The following PCDH15 variants were observed in gnomAD, a reference collection of about 807,000 sequenced individuals.
The protein encoded by PCDH15 is protocadherin related 15.
PCDH15 carries 129 observed loss-of-function variants against 178.5 expected under a neutral mutation model. The observed-to-expected ratio is 0.72, with a 90% CI of 0.63 to 0.84. The LOEUF (loss-of-function observed/expected upper bound fraction) is 0.84. PCDH15 is among the 40% of genes least tolerant of loss of function. The pLI, the probability that PCDH15 is intolerant of heterozygous loss-of-function variation, is 0.00. For missense variants in PCDH15, 2,230 were observed against 2,099.9 expected, an observed-to-expected ratio of 1.06 and a Z score of -1.21; for synonymous variants, 800 against 732.0, an observed-to-expected ratio of 1.09 and a Z score of -1.50.
intron 3 of PCDH15, among the ~76,000 whole-genome samples, chr10:54,464,260 G>A (rs2077379612): frequency 6.6e-6 from 1 of 152,088 alleles, no homozygotes; most frequent in Non-Finnish European, 1.5e-5. Context: ...GGGCACAGTT[G>A]GGGAGAGGTT....
intron 9 of PCDH15, among the ~76,000 whole-genome samples, chr10:54,229,246 A>G (rs945438277): frequency 6.6e-6 from 1 of 152,320 alleles, no homozygotes; most frequent in African/African-American, 2.4e-5. Context: ...GACAATTTTG[A>G]TGTAATTAAT....
chr10:53,943,926 A>C (rs1339412165), intron 23 of PCDH15, among the ~76,000 whole-genome samples: 1 of 152,108 alleles, frequency 6.6e-6, no homozygotes, highest in Non-Finnish European at 1.5e-5. Context: ...ATATTATTTT[A>C]TTATTGTTTT....
chr10:54,873,400 C>G (rs1954074675), intron 3 of PCDH15, among the ~76,000 whole-genome samples: 1 of 151,432 alleles, frequency 6.6e-6, no homozygotes, highest in Admixed American at 6.6e-5. Context: ...AGTGGATAAT[C>G]TTCCCATATG....
chr10:53,818,932 T>C (rs1274617042), intron 33 of PCDH15, among the ~76,000 whole-genome samples: 2 of 152,182 alleles, frequency 1.3e-5, no homozygotes, highest in South Asian at 2.1e-4. Flanking sequence ...ATTCTACTTA[T>C]CAGAAAGCAT....
At chr10:55,021,370 AC>A (rs1840322447) in intron 2 of PCDH15, among the ~76,000 whole-genome samples, 1 of 152,164 alleles carries the variant, frequency 6.6e-6, no homozygotes, top group Admixed American at 6.6e-5. Context: ...GTTATTTTCC[AC>A]CAAAAAGTTA....
At chr10:54,212,277 A>G (rs1317707458) in intron 10 of PCDH15, among the ~76,000 whole-genome samples, 1 of 152,098 alleles carries the variant, frequency 6.6e-6, no homozygotes, top group Admixed American at 6.6e-5. Context: ...TAAGAAGGTG[A>G]ATCTCATGCA....
chr10:54,156,148 A>G (rs1481542279), intron 13 of PCDH15, among the ~76,000 whole-genome samples: 1 of 152,206 alleles, frequency 6.6e-6, no homozygotes, highest in Non-Finnish European at 1.5e-5. Context: ...AAGGTAAGAA[A>G]TTGTGAGCTA....
At chr10:55,208,526 C>T (rs948574683) in intron 1 of PCDH15, among the ~76,000 whole-genome samples, 3 of 151,976 alleles carry the variant, frequency 2.0e-5, no homozygotes, top group African/African-American at 7.3e-5. Flanking sequence ...CCAACATTTT[C>T]CAGGTAATTC....
chr10:54,144,181 C>T (rs1043477487), intron 14 of PCDH15, among the ~76,000 whole-genome samples: 22 of 151,964 alleles, frequency 1.4e-4, no homozygotes, highest in Admixed American at 6.6e-4. Flanking sequence ...TGTAGTATGA[C>T]GCTGCCCACG....
chr10:53,944,724 T>C (rs1341019690), intron 23 of PCDH15, among the ~76,000 whole-genome samples: 1 of 152,166 alleles, frequency 6.6e-6, no homozygotes, highest in Non-Finnish European at 1.5e-5. Context: ...TAGCTTGAGA[T>C]AGATACCAAC....
intron 13 of PCDH15, among the ~76,000 whole-genome samples, chr10:54,162,496 G>A (rs2133459615): frequency 6.6e-6 from 1 of 152,270 alleles, no homozygotes; most frequent in African/African-American, 2.4e-5. Flanking sequence ...ATATAGAATG[G>A]AGAGCACACA....
At chr10:54,234,534 C>G (rs1186888869) in intron 9 of PCDH15, among the ~76,000 whole-genome samples, 1 of 151,948 alleles carries the variant, frequency 6.6e-6, no homozygotes, top group South Asian at 2.1e-4. Context: ...GTGCGGGTGA[C>G]AGAGCAAGAC....
chr10:55,115,084 A>C (rs1837597992), intron 2 of PCDH15, among the ~76,000 whole-genome samples: 1 of 152,206 alleles, frequency 6.6e-6, no homozygotes, highest in Non-Finnish European at 1.5e-5. Flanking sequence ...TTTATGTAGA[A>C]CCTCATATCT....
chr10:54,315,808 CA>C (rs1173519475), intron 8 of PCDH15, among the ~76,000 whole-genome samples: 3 of 152,070 alleles, frequency 2.0e-5, no homozygotes, highest in Non-Finnish European at 4.4e-5. Flanking sequence ...CTACTTTTGT[CA>C]GCTTTGTCGA....
intron 2 of PCDH15, among the ~76,000 whole-genome samples, chr10:55,005,223 A>C (rs77311272): frequency 1.0e-5 from 1 of 99,256 alleles, no homozygotes; most frequent in Non-Finnish European, 2.5e-5. Flanking sequence ...TAATAATAAT[A>C]ATAATCAATG....
chr10:54,306,626 C>T (rs1386443624), intron 8 of PCDH15, among the ~76,000 whole-genome samples: 1 of 151,924 alleles, frequency 6.6e-6, no homozygotes, highest in Non-Finnish European at 1.5e-5. Context: ...CATACCTTCA[C>T]ATCAATATCT....
At chr10:55,582,613 TATATATATA>T (rs1842639087) in intron 2 of PCDH15, among the ~76,000 whole-genome samples, 1 of 93,110 alleles carries the variant, frequency 1.1e-5, no homozygotes, top group African/African-American at 5.5e-5. Context: ...TATATATATA[TATATATATA>T]TATATATTTT....
chr10:54,665,344 A>C (rs757789372), intron 1 of PCDH15, among the ~76,000 whole-genome samples: 89 of 152,100 alleles, frequency 5.9e-4, no homozygotes, highest in Admixed American at 1.6e-3. Context: ...GTGATTTCCA[A>C]GTGTTTACAT....
At chr10:55,017,466 C>T (rs532263331) in intron 2 of PCDH15, among the ~76,000 whole-genome samples, 1 of 152,192 alleles carries the variant, frequency 6.6e-6, no homozygotes, top group African/African-American at 2.4e-5. Flanking sequence ...AGTTCAGTAT[C>T]TCCAGAGATT....
Sources: gnomAD v4.1 joint callset for allele counts (sites outside exome capture counted in the v4.1 genomes callset) on GRCh38, gnomAD v4.1.1 for gene constraint, MANE v1.5 for transcripts, NCBI Gene and HGNC (gene_info 2026-07-23, HGNC 2026-07-21) for gene names.